CUX1: variants seen among roughly 807,000 people sequenced by gnomAD.
The protein encoded by CUX1 is cut like homeobox 1, also known as protein CASP.
CUX1 carries 31 observed loss-of-function variants against 158.8 expected under a neutral mutation model. The observed-to-expected ratio is 0.20, with a 90% CI of 0.15 to 0.26. CUX1 has a LOEUF of 0.26. Ranked by LOEUF, CUX1 falls within the 10% of genes least tolerant of loss-of-function variation. CUX1 has a pLI of 1.00. For missense variants in CUX1, 1,589 were observed against 2,014.6 expected (o/e 0.79, Z 4.04); for synonymous variants, 879 against 862.1 (o/e 1.02, Z -0.34).
intron 2 of CUX1, among the ~76,000 whole-genome samples, chr7:102,000,077 G>T (rs555127537): frequency 6.6e-6 from 1 of 152,170 alleles, no homozygotes; most frequent in African/African-American, 2.4e-5. Flanking sequence ...TTAGCTAGGC[G>T]TGGTAGCAGG....
intron 2 of CUX1, among the ~76,000 whole-genome samples, chr7:101,965,375 C>T (rs971743792): frequency 2.0e-5 from 3 of 152,110 alleles, no homozygotes; most frequent in Non-Finnish European, 2.9e-5. Context: ...TCGAGCTGGC[C>T]TTTGTGCCCA....
At chr7:102,132,864 G>T (rs1411377612) in intron 8 of CUX1, among the ~76,000 whole-genome samples, 2 of 151,844 alleles carry the variant, frequency 1.3e-5, no homozygotes, top group African/African-American at 4.8e-5. Flanking sequence ...TAGTGACAGG[G>T]TTCACCATGT....
chr7:101,924,608 C>T (rs1805363642), intron 2 of CUX1, among the ~76,000 whole-genome samples: 1 of 151,760 alleles, frequency 6.6e-6, no homozygotes, highest in African/African-American at 2.4e-5. Context: ...CTCTGTGGCC[C>T]AGGCTGGAGA....
Position 102,234,075 on chromosome 7 carries a change from A to G in CUX1, c.3457A>G (p.Ile1153Val). ...NLGQRLFGET[I>V]LGLTQGSVSD... ...AGGCCAGCGCTTATTTGGGGAGACC[A>G]TCTTAGGGCTCACCCAAGGCTCTGT... Residue 1153 changes from isoleucine (I) to valine (V), a missense_variant, in exon 22 of 24, where the codon ATC becomes GTC. Around this residue, in one of 8 missense-constraint regions of CUX1, gnomAD observed 259 missense variants for 373.8 expected, o/e 0.69. Coordinates refer to ENST00000292535, the MANE Select transcript of CUX1 (RefSeq NM_181552.4). 6.4e-7 allele frequency: 1 copy of G among 1,557,596 alleles called. No homozygotes were observed. The highest frequency in any genetic ancestry group is 8.7e-7 in the Non-Finnish European group (1 of 1,155,818).
At position 102,249,013 on chromosome 7, in the gene CUX1, C is replaced by A. The variant is rs1486062427; in HGVS notation, c.4489C>A (p.Arg1497=). Residue 1497 remains arginine, a synonymous_variant, in exon 24 of 24, where the codon CGG becomes AGG. Coordinates refer to ENST00000292535, the MANE Select transcript of CUX1 (RefSeq NM_181552.4). The stretch of plus-strand genomic sequence containing the variant: ...CCACCGCCTGGAGAAGGCCGCCAGC[C>A]GGGAGGAACCTATCGAATGGGAGTT... ...IIHRLEKAAS[R]EEPIEWEF 2.2e-6 allele frequency: 3 copies of A among 1,389,922 alleles called. No homozygotes were observed. The highest frequency in any genetic ancestry group is 1.5e-5 in the South Asian group (1 of 66,424). The allele number at this position is 1,389,922 out of a possible 1,614,324, so 86.1% of individuals were successfully genotyped here. A position where few individuals can be genotyped will look rare whatever the true frequency, so the allele number is the denominator to read the frequency against.
At chr7:102,071,629 A>G (rs1826146698) in intron 4 of CUX1, among the ~76,000 whole-genome samples, 3 of 152,172 alleles carry the variant, frequency 2.0e-5, no homozygotes, top group African/African-American at 7.2e-5. Flanking sequence ...TTAGAGCTAC[A>G]TTAACAGAGC....
At position 102,257,608 on chromosome 7, in the gene CUX1, G is replaced by T; in HGVS notation, c.*8566G>T. On this transcript the variant is annotated 3_prime_UTR_variant, in exon 24 of 24. Coordinates refer to ENST00000292535, the MANE Select transcript of CUX1 (RefSeq NM_181552.4). ...AATAACTCTTTGCTGCTTGCCTTGA[G>T]AGCGGGTAGCACCACGCTCCTGTCC... 1.0e-6 allele frequency: 1 copy of T among 985,366 alleles called. No individual in the cohort carries two copies. Among genetic ancestry groups the T allele is most frequent in the Non-Finnish European group, 1.2e-6 (1 of 829,936 alleles). The allele number at this position is 985,366 out of a possible 1,614,324, so 61.0% of individuals were successfully genotyped here. A position where few individuals can be genotyped will look rare whatever the true frequency, so the allele number is the denominator to read the frequency against.
Position 102,198,830 on chromosome 7 carries a change from A to G in CUX1, c.1923A>G (p.Leu641=). 1 of 1,614,200 alleles carries G rather than the reference A, an allele frequency of 6.2e-7. No homozygotes were observed. Among genetic ancestry groups the G allele is most frequent in the East Asian group, 2.2e-5 (1 of 44,888 alleles). Reference sequence around the variant, plus strand: ...ATCCAGGCCAGAGCCTGAACAGACTATTTCAGGAAGTACCGAAACGAAGAA... The same window carrying G: ...ATCCAGGCCAGAGCCTGAACAGACTGTTTCAGGAAGTACCGAAACGAAGAA... ...RENPGQSLNR[L]FQEVPKRRNG... Residue 641 remains leucine (L), a synonymous_variant, in exon 16 of 24, where the codon CTA becomes CTG. Transcript: ENST00000292535.
At chr7:102,275,417 C>T (rs1400957734) in intron 17 of CUX1, 1 of 1,359,864 alleles carries the variant, frequency 7.4e-7, no homozygotes, top group East Asian at 2.3e-5. Context: ...AGTTGGGGAA[C>T]ACACAGGCTT....
chr7:102,273,661 C>A (rs555659859), intron 15 of CUX1, among the ~76,000 whole-genome samples: 1 of 152,396 alleles, frequency 6.6e-6, no homozygotes, highest in South Asian at 2.1e-4. Flanking sequence ...ATGAATACCA[C>A]CCTGCCTCCG....
In CUX1 at chr7:102,201,626, G is replaced by A. The variant is rs368244333; in HGVS notation, c.2329G>A (p.Ala777Thr). ...CGCAGCTCCTGAGGCCGGTGCCTCT[G>A]CTCTGCCGAACCCCCCGGCCCTCAA... ...PSAAPEAGAS[A>T]LPNPPALKKE... is the part of the protein sequence containing the mutation. Residue 777 changes from alanine (A) to threonine (T), a missense_variant, in exon 18 of 24, where the codon GCT becomes ACT. By Grantham distance (58) the Ala-to-Thr change is moderately conservative (BLOSUM62 0). Around this residue, in one of 8 missense-constraint regions of CUX1, gnomAD observed 337 missense variants for 409.3 expected, o/e 0.82. Coordinates refer to ENST00000292535, the MANE Select transcript of CUX1 (RefSeq NM_181552.4). The surrounding 1 kb of genome is among the most constrained non-coding windows in gnomAD (Gnocchi z 5.0). 106 of 1,613,668 alleles carry A rather than the reference G, an allele frequency of 6.6e-5. No homozygotes were observed. The highest frequency in any genetic ancestry group is 9.0e-5 in the Non-Finnish European group (106 of 1,179,948).
intron 4 of CUX1, among the ~76,000 whole-genome samples, chr7:102,073,110 G>A (rs1285795559): frequency 1.4e-5 from 2 of 146,630 alleles, no homozygotes; most frequent in Non-Finnish European, 1.5e-5. Flanking sequence ...CTTTGCCAGA[G>A]ACCCAAAGAC....
chr7:101,822,600 C>T (rs77418389), intron 1 of CUX1: 1 of 152,274 alleles, frequency 6.6e-6, no homozygotes, highest in African/African-American at 2.4e-5. Flanking sequence ...GTGAACCATT[C>T]TTTTCGAAAG....
At chr7:101,835,983 C>T (rs1195131730) in intron 1 of CUX1, among the ~76,000 whole-genome samples, 1 of 152,238 alleles carries the variant, frequency 6.6e-6, no homozygotes, top group East Asian at 1.9e-4. Flanking sequence ...CCCACCTGGC[C>T]TCCCAAAGTG....
At chr7:102,020,581 T>A (rs1819217202) in intron 2 of CUX1, among the ~76,000 whole-genome samples, 1 of 152,182 alleles carries the variant, frequency 6.6e-6, no homozygotes, top group Non-Finnish European at 1.5e-5. Flanking sequence ...TACCAGGACC[T>A]TATAAAAAGA....
chr7:101,929,233 C>A (rs898515221), intron 2 of CUX1, among the ~76,000 whole-genome samples: 2 of 152,100 alleles, frequency 1.3e-5, no homozygotes, highest in African/African-American at 4.8e-5. Context: ...TTATTAAAGC[C>A]TAGGGTAGAC....
intron 8 of CUX1, among the ~76,000 whole-genome samples, chr7:102,153,013 C>G (rs1449287665): frequency 1.3e-5 from 2 of 152,254 alleles, no homozygotes; most frequent in Admixed American, 1.3e-4. Context: ...AGATGGAAAA[C>G]TTGAAATTCA....
chr7:102,085,174 C>A (rs1554479971), intron 4 of CUX1, among the ~76,000 whole-genome samples: 1 of 152,050 alleles, frequency 6.6e-6, no homozygotes, highest in East Asian at 1.9e-4. Context: ...ATTTGATTCT[C>A]AAATGTTAAA....
chr7:101,904,735 A>G (rs951521987), intron 1 of CUX1, among the ~76,000 whole-genome samples: 2 of 151,802 alleles, frequency 1.3e-5, no homozygotes, highest in Non-Finnish European at 2.9e-5. Flanking sequence ...CACCCAGCTA[A>G]TTTTTGTATT....
Sources: gnomAD v4.1 joint callset for allele counts (sites outside exome capture counted in the v4.1 genomes callset) on GRCh38, gnomAD v4.1.1 for gene constraint, gnomAD v4.1.1 regional missense constraint, Gnocchi (gnomAD v3.1) non-coding constraint, MANE v1.5 for transcripts, NCBI Gene and HGNC (gene_info 2026-07-23, HGNC 2026-07-21) for gene names.